RNF8: variants seen among roughly 807,000 people sequenced by gnomAD.
The protein encoded by RNF8 is ring finger protein 8, also known as E3 ubiquitin-protein ligase RNF8.
A neutral mutation model predicts 59.3 loss-of-function variants in RNF8; 8 were observed. The ratio of observed to expected loss-of-function variants is 0.13; its 90% confidence interval spans 0.08 to 0.24. RNF8 has a LOEUF of 0.24. RNF8 is among the 10% of genes least tolerant of loss of function. The pLI is 1.00. For synonymous variants in RNF8, 162 were observed against 200.0 expected, an observed-to-expected ratio of 0.81 and a Z score of 1.60; for missense variants, 406 against 572.6, an observed-to-expected ratio of 0.71 and a Z score of 2.97.
At chr6:37,374,854 G>T in intron 5 of RNF8, 145 bp downstream of exon 5, 1 of 616,608 alleles carries the variant, frequency 1.6e-6, no homozygotes. Flanking sequence ...AATTATAGAG[G>T]CCTATAGCAG....
chr6:37,369,452 A>C (rs1018772226), intron 3 of RNF8, among the ~76,000 whole-genome samples: 2 of 152,224 alleles, frequency 1.3e-5, no homozygotes, highest in Non-Finnish European at 2.9e-5. Flanking sequence ...AAGATAGGGT[A>C]AAGTGACCAG....
At chr6:37,378,817 C>G (rs1770131292) in intron 6 of RNF8, among the ~76,000 whole-genome samples, 1 of 152,072 alleles carries the variant, frequency 6.6e-6, no homozygotes, top group African/African-American at 2.4e-5. Flanking sequence ...GTTGTTTTGA[C>G]AGGGCTTATG....
intron 1 of RNF8, among the ~76,000 whole-genome samples, chr6:37,358,925 C>T (rs931133885): frequency 2.6e-5 from 4 of 151,826 alleles, no homozygotes; most frequent in African/African-American, 7.3e-5. Context: ...GGTGAAACCC[C>T]GTCTCTACTA....
intron 2 of RNF8, among the ~76,000 whole-genome samples, chr6:37,365,978 A>G (rs556445032): frequency 1.3e-5 from 2 of 152,324 alleles, no homozygotes; most frequent in East Asian, 3.9e-4. Context: ...TAAATGTACA[A>G]GGATCCAAGG....
intron 1 of RNF8, 138 bp downstream of exon 1, chr6:37,354,413 TG>T (rs369525617): frequency 4.0e-4 from 200 of 501,966 alleles, no homozygotes; most frequent in East Asian, 1.6e-3. Flanking sequence ...GAAGTGTCTG[TG>T]GGGGGGGTGG....
At chr6:37,366,708 A>T (rs1486640126) in intron 2 of RNF8, among the ~76,000 whole-genome samples, 1 of 151,950 alleles carries the variant, frequency 6.6e-6, no homozygotes, top group African/African-American at 2.4e-5. Flanking sequence ...TTGACTGGAG[A>T]TTTTTTTCTA....
chr6:37,369,002 G>A lies in RNF8; in HGVS notation c.759G>A (p.Met253Ile). 1 of 1,614,202 alleles carries A rather than the reference G, an allele frequency of 6.2e-7. No homozygotes were observed. Among genetic ancestry groups the A allele is most frequent in the Non-Finnish European group, 8.5e-7 (1 of 1,180,038 alleles). ...QRSLQMFKVT[M>I]SRILRLKIQM... ...GCTTACAGATGTTTAAGGTGACCAT[G>A]TCCAGGATTCTGAGGCTCAAAATAC... is the stretch of plus-strand genomic sequence containing the variant. The change falls in exon 3 of 8, where the codon ATG (methionine) becomes ATA (isoleucine). Residue 253 changes from methionine to isoleucine, a missense_variant. Met to Ile is a conservative substitution (Grantham distance 10, BLOSUM62 1). Coordinates refer to ENST00000373479, the MANE Select transcript of RNF8 (RefSeq NM_003958.4).
At position 37,381,324 on chromosome 6, in the gene RNF8, C is replaced by A. The variant is rs775771459; in HGVS notation, c.1411C>A (p.Arg471=). The A allele has an allele frequency of 3.7e-6, 6 of 1,614,142 alleles. No homozygotes were observed. The highest frequency in any genetic ancestry group is 5.1e-6 in the Non-Finnish European group (6 of 1,180,024). Residue 471 remains arginine, a synonymous_variant, in exon 7 of 8, where the codon CGA becomes AGA. Coordinates refer to ENST00000373479, the MANE Select transcript of RNF8 (RefSeq NM_003958.4). The stretch of plus-strand genomic sequence containing the variant: ...TAATCTGAGCTCAGAAGTGAAAGAA[C>A]GACGAATTGTTCTCATTAGGGAACG... ...VNNLSSEVKE[R]RIVLIRERKA...
chr6:37,356,587 A>T (rs1769123518), intron 1 of RNF8, among the ~76,000 whole-genome samples: 1 of 152,232 alleles, frequency 6.6e-6, no homozygotes, highest in South Asian at 2.1e-4. Flanking sequence ...GATTTATTGC[A>T]AATTAGCTAG....
At chr6:37,368,321 G>A (rs980656721) in intron 2 of RNF8, 163 bp from the exon 3 acceptor site, 21 of 1,558,042 alleles carry the variant, frequency 1.3e-5, no homozygotes, top group Middle Eastern at 1.7e-4. Context: ...ACTGCTTGAC[G>A]AATGCTGTTT....
At chr6:37,359,550 A>G (rs1769238771) in intron 1 of RNF8, among the ~76,000 whole-genome samples, 2 of 152,226 alleles carry the variant, frequency 1.3e-5, no homozygotes, top group South Asian at 2.1e-4. Flanking sequence ...AACTAGCAAG[A>G]TGAAATTTAA....
At chr6:37,386,999 A>G (rs1366805593) in intron 7 of RNF8, among the ~76,000 whole-genome samples, 2 of 152,140 alleles carry the variant, frequency 1.3e-5, no homozygotes, top group Non-Finnish European at 2.9e-5. Flanking sequence ...GTAGGAGACT[A>G]CCTGTGCAAA....
chr6:37,354,355 C>A (rs1769028559), intron 1 of RNF8, 80 bp downstream of exon 1: 2 of 1,153,964 alleles, frequency 1.7e-6, no homozygotes, highest in Non-Finnish European at 2.4e-6. Flanking sequence ...AGGTGTCTTG[C>A]TGGGCTGAAT....
In RNF8 at chr6:37,360,879, C is replaced by A; in HGVS notation, c.240+305C>A. 6.6e-6 allele frequency among the ~76,000 whole-genome samples: 1 copy of A among 152,208 alleles called. No individual in the cohort carries two copies. The highest frequency in any genetic ancestry group is 3.4e-3 in the Middle Eastern group (1 of 294). On this transcript the variant is annotated intron_variant, in intron 2 of 7. Coordinates refer to ENST00000373479, the MANE Select transcript of RNF8 (RefSeq NM_003958.4). This position sits in a 1 kb window ranked among gnomAD's most constrained non-coding sequence, Gnocchi z 4.2. ...AAATAAGCCTGTTTGAGGTGAAGCTCCCAGAGACCCTGGGAATCTGCAGAA... is the reference window on the plus strand; with the variant it reads ...AAATAAGCCTGTTTGAGGTGAAGCTACCAGAGACCCTGGGAATCTGCAGAA...
At position 37,354,244 on chromosome 6, in the gene RNF8, C is replaced by G. The variant is rs1372819382; in HGVS notation, c.80C>G (p.Ala27Gly). The change falls in exon 1 of 8, where the codon GCC becomes GGC. Residue 27 changes from alanine to glycine, a missense_variant. Physicochemically the swap from Ala to Gly is moderately conservative, Grantham distance 60 (BLOSUM62 0). Coordinates refer to ENST00000373479, the MANE Select transcript of RNF8 (RefSeq NM_003958.4). Reference protein sequence around the residue: ...SWCLRRVGMSAGWLLLEDGCE... With the variant: ...SWCLRRVGMSGGWLLLEDGCE... ...TGCCTGCGGCGGGTGGGGATGAGCGCCGGGTGGCTGCTGCTGGAAGATGGG... is the reference window on the plus strand; with the variant it reads ...TGCCTGCGGCGGGTGGGGATGAGCGGCGGGTGGCTGCTGCTGGAAGATGGG... 4 of 1,568,332 alleles carry G rather than the reference C, an allele frequency of 2.6e-6. No homozygotes were observed. The South Asian group carries it at 4.7e-5, about 18-fold the overall frequency.
At chr6:37,361,701 C>G (rs1275291312) in intron 2 of RNF8, 1 of 282,264 alleles carries the variant, frequency 3.5e-6, no homozygotes, top group Non-Finnish European at 6.9e-6. Context: ...TGCCTGCCAT[C>G]CTCATATTGC....
rs769539866 is a variant in RNF8, at chr6:37,354,162, G to C, written c.-3G>C. 2.9e-5 allele frequency: 46 copies of C among 1,570,874 alleles called. No individual in the cohort carries two copies. The South Asian group carries it at 4.9e-4, about 17-fold the overall frequency. ...GCTGACCGCCCCCGGGGTCGAGTAG[G>C]CGATGGGGGAGCCCGGCTTCTTCGT... On this transcript the variant is annotated 5_prime_UTR_variant, in exon 1 of 8. Transcript: ENST00000373479.
intron 7 of RNF8, among the ~76,000 whole-genome samples, chr6:37,389,748 C>A (rs1770651918): frequency 6.6e-6 from 1 of 152,122 alleles, no homozygotes; most frequent in African/African-American, 2.4e-5. Flanking sequence ...CAGAGAATTT[C>A]TTTCTTGTGG....
At chr6:37,366,020 C>T (rs195385) in intron 2 of RNF8, among the ~76,000 whole-genome samples, 87,625 of 151,938 alleles carry the variant, frequency 0.58, 27,055 homozygotes, top group African/African-American at 0.78. Context: ...TTGAGTTTAC[C>T]TTCCAGCTTC....
Sources: gnomAD v4.1 joint callset for allele counts (sites outside exome capture counted in the v4.1 genomes callset) on GRCh38, gnomAD v4.1.1 for gene constraint, Gnocchi (gnomAD v3.1) non-coding constraint, MANE v1.5 for transcripts, NCBI Gene and HGNC (gene_info 2026-07-23, HGNC 2026-07-21) for gene names.